Variants in PTK7 observed in about 807,000 individuals in gnomAD.
PTK7 encodes protein tyrosine kinase 7 (inactive), also known as inactive tyrosine-protein kinase 7.
A neutral mutation model predicts 116.6 loss-of-function variants in PTK7; 39 were observed. That is an observed-to-expected ratio of 0.33 (90% CI 0.26 to 0.44). PTK7 has a LOEUF of 0.44. PTK7 is among the 20% of genes least tolerant of loss of function. The pLI, the probability that PTK7 is intolerant of heterozygous loss-of-function variation, is 1.00. For missense variants in PTK7, 1,169 were observed against 1,425.6 expected (o/e 0.82, Z 2.90); for synonymous variants, 546 against 563.6 (o/e 0.97, Z 0.44).
Position 43,146,651 on chromosome 6 carries a change from A to G in PTK7, c.2674A>G (p.Ser892Gly), listed in dbSNP as rs1770748184. The change falls in exon 17 of 20, where the codon AGC (serine) becomes GGC (glycine). Residue 892 changes from serine to glycine, a missense_variant. Ser to Gly is a moderately conservative substitution (Grantham distance 56, BLOSUM62 0). Coordinates refer to ENST00000230419, the MANE Select transcript of PTK7 (RefSeq NM_002821.5). ...CAAGCAGTTCCTGAGGATTTCCAAG[A>G]GCAAGGATGAAAAATTGAAGTCACA... ...DLKQFLRISK[S>G]KDEKLKSQPL... is the part of the protein sequence containing the mutation. 2 of 1,613,640 alleles carry G rather than the reference A, an allele frequency of 1.2e-6. No individual in the cohort carries two copies. The highest frequency in any genetic ancestry group is 3.3e-5 in the Admixed American group (2 of 59,998).
chr6:43,116,651 TGCGC>T (rs879197725), intron 1 of PTK7, among the ~76,000 whole-genome samples: 2,600 of 77,248 alleles, frequency 0.034, 55 homozygotes, highest in Non-Finnish European at 0.041. Flanking sequence ...TGTGTGTGTG[TGCGC>T]GCGCACGCAC....
In PTK7 at chr6:43,141,421, A is replaced by G. The variant is rs1770398017; in HGVS notation, c.1619-247A>G. The stretch of plus-strand genomic sequence containing the variant: ...GTAGGAACAGGGCCGATCTGGGCCC[A>G]AACAGAGTCCGGTTTGGCAGACGTG... On this transcript the variant is annotated intron_variant, in intron 10 of 19. Transcript: ENST00000230419. This position sits in a 1 kb window ranked among gnomAD's most constrained non-coding sequence, Gnocchi z 4.9. Among the ~76,000 whole-genome samples the G allele has an allele frequency of 6.6e-6, 1 of 152,136 alleles. No homozygotes were observed. Among genetic ancestry groups the G allele is most frequent in the African/African-American group, 2.4e-5 (1 of 41,426 alleles).
intron 1 of PTK7, among the ~76,000 whole-genome samples, chr6:43,117,614 T>C (rs1255877500): frequency 3.3e-5 from 5 of 152,176 alleles, no homozygotes; most frequent in Admixed American, 2.6e-4. Context: ...GAGAGTTCTC[T>C]GGATCAGAAA....
intron 1 of PTK7, among the ~76,000 whole-genome samples, chr6:43,115,926 T>C (rs1357524395): frequency 1.6e-5 from 1 of 62,076 alleles, no homozygotes; most frequent in African/African-American, 7.8e-5. Context: ...AGACTCCATC[T>C]CAAAAAAAAA....
chr6:43,077,008 C>G (rs1412562240), intron 1 of PTK7: 1 of 1,449,042 alleles, frequency 6.9e-7, no homozygotes, highest in Non-Finnish European at 9.1e-7. Context: ...TGGTTTGGGG[C>G]CCGATGCCGG....
intron 15 of PTK7, chr6:43,144,812 C>A: frequency 2.0e-6 from 1 of 502,972 alleles, no homozygotes; most frequent in Non-Finnish European, 3.4e-6. Flanking sequence ...TGTGTACTAC[C>A]TGTAGTATTA....
rs957417593 is a variant in PTK7, at chr6:43,129,559, G to A, written c.368-168G>A. On this transcript the variant is annotated intron_variant, in intron 2 of 19. Coordinates refer to ENST00000230419, the MANE Select transcript of PTK7 (RefSeq NM_002821.5). The surrounding 1 kb of genome is among the most constrained non-coding windows in gnomAD (Gnocchi z 4.5). ...ACTTGACCTGCCAGGGACCAGGCAG[G>A]CACTTAGTATCTGGTAACTGTAGCC... The A allele has an allele frequency of 1.2e-5, 8 of 684,830 alleles. No homozygotes were observed. In the South Asian group the frequency reaches 1.5e-4, roughly 13 times the overall value. 42.4% of individuals were successfully genotyped at this position (684,830 alleles called of 1,614,324 possible). A position where few individuals can be genotyped will look rare whatever the true frequency, so the allele number is the denominator to read the frequency against.
At chr6:43,132,305 A>G in intron 6 of PTK7, 116 bp from the exon 7 acceptor site, 1 of 1,493,828 alleles carries the variant, frequency 6.7e-7, no homozygotes, top group Non-Finnish European at 9.0e-7. Context: ...GAGGATATGC[A>G]GAGGGCTGCA....
chr6:43,132,101 C>T lies in PTK7; in HGVS notation c.898C>T (p.Arg300Cys). ...CCGGCCACGCAATGCAGGGATCTAC[C>T]GCTGCATTGGCCAGGGGCAGAGGGG... is the stretch of plus-strand genomic sequence containing the variant. ...QVRPRNAGIYRCIGQGQRGPP... is the reference protein window; with the variant it reads ...QVRPRNAGIYCCIGQGQRGPP... Residue 300 changes from arginine to cysteine, a missense_variant, in exon 6 of 20, where the codon CGC becomes TGC. Arg to Cys is a radical substitution (Grantham distance 180, BLOSUM62 -3). This residue lies in a region of PTK7 where 487 missense variants were observed against 549.8 expected (regional missense o/e 0.89). Coordinates refer to ENST00000230419, the MANE Select transcript of PTK7 (RefSeq NM_002821.5). 6 of 1,614,098 alleles carry T rather than the reference C, an allele frequency of 3.7e-6. No individual in the cohort carries two copies. The highest frequency in any genetic ancestry group is 5.1e-6 in the Non-Finnish European group (6 of 1,180,034).
In PTK7 at chr6:43,111,837, C is replaced by CTT. The variant is rs34582469; in HGVS notation, c.80-17124_80-17123dup. Among the ~76,000 whole-genome samples the CTT allele has an allele frequency of 3.9e-3, 538 of 137,204 alleles. 6 individuals are homozygous for CTT. The highest frequency in any genetic ancestry group is 9.0e-3 in the African/African-American group (335 of 37,174). The allele number at this position is 137,204 out of a possible 152,430, so 90.0% of individuals were successfully genotyped here. On this transcript the variant is annotated intron_variant, in intron 1 of 19. Transcript: ENST00000230419. ...TGCATACCACCATGCCCAGCTAATTCTTTTTTTTTTTTTTTTTAATATTTA... is the reference window on the plus strand; with the variant it reads ...TGCATACCACCATGCCCAGCTAATTCTTTTTTTTTTTTTTTTTTTAATATTTA...
chr6:43,159,637 T>C, intron 18 of PTK7, 151 bp from the exon 19 acceptor site: 1 of 740,422 alleles, frequency 1.4e-6, no homozygotes, highest in Middle Eastern at 2.3e-4. Flanking sequence ...TGTACTCCCA[T>C]GCTCAGCACG....
At chr6:43,085,792 G>C (rs541689738) in intron 1 of PTK7, among the ~76,000 whole-genome samples, 2 of 152,034 alleles carry the variant, frequency 1.3e-5, no homozygotes, top group Admixed American at 1.3e-4. Context: ...AATTAGCCGG[G>C]TGTGGTGGCG....
intron 1 of PTK7, among the ~76,000 whole-genome samples, chr6:43,116,651 T>TGC (rs879197725): frequency 4.1e-4 from 32 of 77,276 alleles, no homozygotes; most frequent in African/African-American, 9.0e-4. Context: ...TGTGTGTGTG[T>TGC]GCGCGCGCAC....
At chr6:43,147,724 C>A (rs1457781280) in intron 17 of PTK7, among the ~76,000 whole-genome samples, 2 of 152,228 alleles carry the variant, frequency 1.3e-5, no homozygotes, top group Non-Finnish European at 2.9e-5. Flanking sequence ...GGCTGGCCCC[C>A]TCTTATTACA....
intron 19 of PTK7, 100 bp downstream of exon 19, chr6:43,160,066 C>T (rs1361868720): frequency 1.6e-6 from 2 of 1,277,520 alleles, no homozygotes; most frequent in South Asian, 1.4e-5. Context: ...CTCAGGGCTG[C>T]TACTGAGCAG....
At chr6:43,113,116 G>T (rs988744166) in intron 1 of PTK7, among the ~76,000 whole-genome samples, 1 of 152,020 alleles carries the variant, frequency 6.6e-6, no homozygotes, top group Non-Finnish European at 1.5e-5. Context: ...GAACAGTATT[G>T]CCCTTAGACA....
rs760858028 is a variant in PTK7, at chr6:43,143,651, C to T, written c.2251+31C>T. The T allele has an allele frequency of 4.3e-5, 69 of 1,595,902 alleles. No individual in the cohort carries two copies. Among genetic ancestry groups the T allele is most frequent in the East Asian group, 9.0e-5 (4 of 44,436 alleles). On this transcript the variant is annotated intron_variant, in intron 14 of 19. Transcript: ENST00000230419. The surrounding 1 kb of genome is among the most constrained non-coding windows in gnomAD (Gnocchi z 4.2). The stretch of plus-strand genomic sequence containing the variant: ...GGGCCCTGGACGGGGAGGTGGTGCC[C>T]GTGTGCGGGAGCTGAGCGCCCTCCC...
intron 1 of PTK7, among the ~76,000 whole-genome samples, chr6:43,089,598 T>C (rs1766836719): frequency 6.6e-6 from 1 of 152,242 alleles, no homozygotes; most frequent in South Asian, 2.1e-4. Flanking sequence ...TTTAGTTCCT[T>C]TAGCAGATTA....
At chr6:43,078,702 C>T (rs1766200184) in intron 1 of PTK7, among the ~76,000 whole-genome samples, 2 of 152,176 alleles carry the variant, frequency 1.3e-5, no homozygotes, top group East Asian at 3.8e-4. Context: ...CCATAAATGG[C>T]AGAGTTACTT....
Sources: allele counts gnomAD v4.1 joint callset (sites outside exome capture counted in the v4.1 genomes callset), GRCh38; gene constraint gnomAD v4.1.1; regional missense constraint gnomAD v4.1.1; non-coding constraint Gnocchi (gnomAD v3.1); transcripts MANE v1.5; gene names NCBI Gene and HGNC (gene_info 2026-07-23, HGNC 2026-07-21).